ZNF653: variants seen among roughly 807,000 people sequenced by gnomAD.
The protein encoded by ZNF653 is zinc finger protein 653, also known as 67 kDa zinc finger protein.
In ZNF653, 37 loss-of-function variants were observed where a neutral mutation model predicts 59.9. That is an observed-to-expected ratio of 0.62 (90% CI 0.48 to 0.81). ZNF653 has a LOEUF of 0.81. ZNF653 is among the 40% of genes least tolerant of loss of function. The pLI, the probability that ZNF653 is intolerant of heterozygous loss-of-function variation, is 0.00. For missense variants in ZNF653, 808 were observed against 881.1 expected (o/e 0.92, Z 1.05); for synonymous variants, 435 against 371.8 (o/e 1.17, Z -1.96).
At chr19:11,499,609 A>AT (rs1168267428) in intron 1 of ZNF653, among the ~76,000 whole-genome samples, 68 of 146,012 alleles carry the variant, frequency 4.7e-4, no homozygotes, top group Non-Finnish European at 7.5e-4. Context: ...TATTTATACA[A>AT]TTAAAAAAAA....
chr19:11,505,778 C>T lies in ZNF653; in HGVS notation c.9G>A (p.Glu3=), dbSNP rs568847556. Residue 3 remains glutamate, a synonymous_variant, in exon 1 of 9, where the codon GAG becomes GAA. Coordinates refer to ENST00000293771, the MANE Select transcript of ZNF653 (RefSeq NM_138783.4). MA[E]RALEPEAEAE... ...CCTCCGCCTCGGGCTCTAGCGCCCG[C>T]TCCGCCATCCCCCCCACCCTGGTTA... is the stretch of plus-strand genomic sequence containing the variant. 5.3e-5 allele frequency: 75 copies of T among 1,403,818 alleles called. No homozygotes were observed. The Admixed American group carries it at 5.3e-4, about 10-fold the overall frequency. 87.0% of individuals were successfully genotyped at this position (1,403,818 alleles called of 1,614,324 possible).
In ZNF653 at chr19:11,495,898, G is replaced by A. The variant is rs911475311; in HGVS notation, c.559+52C>T. On this transcript the variant is annotated intron_variant, in intron 3 of 8. Coordinates refer to ENST00000293771, the MANE Select transcript of ZNF653 (RefSeq NM_138783.4). This position sits in a 1 kb window ranked among gnomAD's most constrained non-coding sequence, Gnocchi z 4.9. Reference sequence around the variant, plus strand: ...TGTGATGCTAGCCTAGGGCTCGTAAGAAGCCCCCAGAAATGGGCGGCCCCC... The same window carrying A: ...TGTGATGCTAGCCTAGGGCTCGTAAAAAGCCCCCAGAAATGGGCGGCCCCC... 7 of 1,553,766 alleles carry A rather than the reference G, an allele frequency of 4.5e-6. No individual in the cohort carries two copies. Among genetic ancestry groups the A allele is most frequent in the African/African-American group, 1.4e-5 (1 of 73,672 alleles).
chr19:11,484,182 G>A (rs1199100150), intron 7 of ZNF653, 41 bp from the exon 8 acceptor site: 1 of 1,462,152 alleles, frequency 6.8e-7, no homozygotes, highest in Non-Finnish European at 9.4e-7. Context: ...GGTGGGCTAT[G>A]GGGTGTCTCT....
chr19:11,503,534 T>C (rs529533162), intron 1 of ZNF653, among the ~76,000 whole-genome samples: 138 of 152,186 alleles, frequency 9.1e-4, no homozygotes, highest in Non-Finnish European at 1.6e-3. Flanking sequence ...TTGCCAGGTA[T>C]GGTGGCTCAT....
chr19:11,503,980 C>G (rs575899137), intron 1 of ZNF653, among the ~76,000 whole-genome samples: 3 of 152,296 alleles, frequency 2.0e-5, no homozygotes, highest in African/African-American at 7.2e-5. Flanking sequence ...TGACGTGCAC[C>G]TGTGGTCCCA....
At position 11,483,464 on chromosome 19, in the gene ZNF653, G is replaced by A. The variant is rs1194944012; in HGVS notation, c.*218C>T. On this transcript the variant is annotated 3_prime_UTR_variant, in exon 9 of 9. Coordinates refer to ENST00000293771, the MANE Select transcript of ZNF653 (RefSeq NM_138783.4). ...CTCTTTAATCTCACTCTGCTCTCTT[G>A]ACACAGTTCCAGCAATGCAGCCCCA... is the stretch of plus-strand genomic sequence containing the variant. 3 of 1,375,694 alleles carry A rather than the reference G, an allele frequency of 2.2e-6. No homozygotes were observed. The highest frequency in any genetic ancestry group is 2.8e-6 in the Non-Finnish European group (3 of 1,066,176). 85.2% of individuals were successfully genotyped at this position (1,375,694 alleles called of 1,614,324 possible). A position where few individuals can be genotyped will look rare whatever the true frequency, so the allele number is the denominator to read the frequency against.
At chr19:11,504,695 G>T (rs564665305) in intron 1 of ZNF653, 11 of 394,480 alleles carry the variant, frequency 2.8e-5, no homozygotes, top group African/African-American at 1.9e-4. Flanking sequence ...CACTGCTTGT[G>T]ATACGGAATA....
At position 11,505,535 on chromosome 19, in the gene ZNF653, G is replaced by T. The variant is rs1482398821; in HGVS notation, c.252C>A (p.Ala84=). ...CGCGCTCCAGAGAGATGAGGTAGGC[G>T]GCGAGCTTGGCGTCGCTCCAGCCGC... ...RRSGWSDAKL[A]AYLISLERGQ... is the part of the protein sequence containing the mutation. Residue 84 remains alanine, a synonymous_variant, in exon 1 of 9, where the codon GCC becomes GCA. Coordinates refer to ENST00000293771, the MANE Select transcript of ZNF653 (RefSeq NM_138783.4). The T allele has an allele frequency of 6.6e-7, 1 of 1,514,330 alleles. No individual in the cohort carries two copies. The highest frequency in any genetic ancestry group is 8.7e-7 in the Non-Finnish European group (1 of 1,143,062). 93.8% of individuals were successfully genotyped at this position (1,514,330 alleles called of 1,614,324 possible).
rs1599572386 is a variant in ZNF653 at position 11,505,806 on chromosome 19, A to G, written c.-20T>C. ...CGCCATCCCCCCCACCCTGGTTACC[A>G]GCCTCCCCCGTTGTTAGGAGCCAGA... is the stretch of plus-strand genomic sequence containing the variant. On this transcript the variant is annotated 5_prime_UTR_variant, in exon 1 of 9. Transcript: ENST00000293771. The G allele has an allele frequency of 8.3e-7, 1 of 1,199,900 alleles. No individual in the cohort carries two copies. Among genetic ancestry groups the G allele is most frequent in the Non-Finnish European group, 1.0e-6 (1 of 967,376 alleles). The allele number at this position is 1,199,900 out of a possible 1,614,324, so 74.3% of individuals were successfully genotyped here. A position where few individuals can be genotyped will look rare whatever the true frequency, so the allele number is the denominator to read the frequency against.
intron 2 of ZNF653, 130 bp from the exon 3 acceptor site, chr19:11,496,295 T>C: frequency 1.2e-6 from 1 of 855,064 alleles, no homozygotes; most frequent in Non-Finnish European, 1.8e-6. Flanking sequence ...TCCAGGCCTG[T>C]ACCCAGTTTA....
chr19:11,505,813 C>G lies in ZNF653; in HGVS notation c.-27G>C. 1 of 1,365,492 alleles carries G rather than the reference C, an allele frequency of 7.3e-7. No individual in the cohort carries two copies. Among genetic ancestry groups the G allele is most frequent in the Non-Finnish European group, 9.4e-7 (1 of 1,061,764 alleles). 84.6% of individuals were successfully genotyped at this position (1,365,492 alleles called of 1,614,324 possible). Reference sequence around the variant, plus strand: ...CCCCCCACCCTGGTTACCAGCCTCCCCCGTTGTTAGGAGCCAGACCGGAAG... The same window carrying G: ...CCCCCCACCCTGGTTACCAGCCTCCGCCGTTGTTAGGAGCCAGACCGGAAG... On this transcript the variant is annotated 5_prime_UTR_variant, in exon 1 of 9. Coordinates refer to ENST00000293771, the MANE Select transcript of ZNF653 (RefSeq NM_138783.4).
chr19:11,485,902 G>A, intron 6 of ZNF653, 132 bp from the exon 7 acceptor site: 1 of 682,970 alleles, frequency 1.5e-6, no homozygotes, highest in Non-Finnish European at 2.6e-6. Flanking sequence ...GGGTACCCTT[G>A]CCCAGCTCAG....
intron 2 of ZNF653, among the ~76,000 whole-genome samples, chr19:11,496,841 T>G (rs1388477025): frequency 6.6e-6 from 1 of 152,156 alleles, no homozygotes; most frequent in East Asian, 1.9e-4. Context: ...CACTCCAGCC[T>G]GGATGACACA....
At chr19:11,494,700 T>C (rs966243615) in intron 3 of ZNF653, among the ~76,000 whole-genome samples, 3 of 152,004 alleles carry the variant, frequency 2.0e-5, no homozygotes, top group Non-Finnish European at 4.4e-5. Flanking sequence ...GATAAATAAA[T>C]ACATACATAA....
In ZNF653 at chr19:11,495,939, T is replaced by C. The variant is rs2144945632; in HGVS notation, c.559+11A>G. ...GGCGGCCCCCTATGTGCCCTCGCCC[T>C]GCAGACCTACCTTTGTCACTGTCAG... On this transcript the variant is annotated intron_variant, in intron 3 of 8. Coordinates refer to ENST00000293771, the MANE Select transcript of ZNF653 (RefSeq NM_138783.4). This position sits in a 1 kb window ranked among gnomAD's most constrained non-coding sequence, Gnocchi z 4.9. 2 of 1,613,056 alleles carry C rather than the reference T, an allele frequency of 1.2e-6. No homozygotes were observed. The highest frequency in any genetic ancestry group is 1.7e-6 in the Non-Finnish European group (2 of 1,179,678).
At chr19:11,490,190 G>A (rs373525342) in intron 3 of ZNF653, among the ~76,000 whole-genome samples, 283 of 152,238 alleles carry the variant, frequency 1.9e-3, no homozygotes, top group African/African-American at 6.4e-3. Context: ...TCAGAAAATG[G>A]CTCTACCTAC....
At chr19:11,496,622 C>T (rs956858358) in intron 2 of ZNF653, among the ~76,000 whole-genome samples, 3 of 152,212 alleles carry the variant, frequency 2.0e-5, no homozygotes, top group African/African-American at 7.2e-5. Flanking sequence ...AATCCTAGCA[C>T]TTTGGGAGGC....
rs149467918 is a variant in ZNF653 at position 11,490,845 on chromosome 19, G to T, written c.560-2942C>A. Among the ~76,000 whole-genome samples the T allele has an allele frequency of 1.4e-3, 220 of 152,132 alleles. 2 individuals carry two copies. In the East Asian group the frequency reaches 0.033, roughly 23 times the overall value. On this transcript the variant is annotated intron_variant, in intron 3 of 8. Coordinates refer to ENST00000293771, the MANE Select transcript of ZNF653 (RefSeq NM_138783.4). ...TCTCAAACTCAGATCTGCAACACTG[G>T]GCTCTGTATCTTCCCTTCTACAAAG...
intron 1 of ZNF653, among the ~76,000 whole-genome samples, chr19:11,504,130 G>A (rs562094637): frequency 1.3e-5 from 2 of 151,838 alleles, no homozygotes; most frequent in Non-Finnish European, 2.9e-5. Context: ...GGCCGGGCGC[G>A]GTGGCTCACG....
Sources: allele counts gnomAD v4.1 joint callset (sites outside exome capture counted in the v4.1 genomes callset), GRCh38; gene constraint gnomAD v4.1.1; non-coding constraint Gnocchi (gnomAD v3.1); transcripts MANE v1.5; gene names NCBI Gene and HGNC (gene_info 2026-07-23, HGNC 2026-07-21).